SAMD12: variants seen among roughly 807,000 people sequenced by gnomAD.
The protein encoded by SAMD12 is sterile alpha motif domain containing 12.
A neutral mutation model predicts 15.0 loss-of-function variants in SAMD12; 9 were observed. That is an observed-to-expected ratio of 0.60 (90% CI 0.36 to 1.05). The LOEUF (loss-of-function observed/expected upper bound fraction) is 1.05, where lower values mean the gene tolerates loss of function less well. Ranked by LOEUF, SAMD12 falls within the 50% of genes least tolerant of loss-of-function variation. The pLI is 0.01. For missense variants in SAMD12, 230 were observed against 234.2 expected, an observed-to-expected ratio of 0.98 and a Z score of 0.12; for synonymous variants, 86 against 90.1, an observed-to-expected ratio of 0.96 and a Z score of 0.25.
At chr8:118,597,564 T>C (rs767206501) in intron 1 of SAMD12, among the ~76,000 whole-genome samples, 1 of 152,096 alleles carries the variant, frequency 6.6e-6, no homozygotes. Context: ...TCAGAGCAAA[T>C]CCTGAAGTCT....
chr8:118,590,786 C>T (rs187978677), intron 1 of SAMD12, among the ~76,000 whole-genome samples: 2 of 152,298 alleles, frequency 1.3e-5, no homozygotes, highest in Admixed American at 1.3e-4. Flanking sequence ...AAAAGACAAT[C>T]CATAGACACC....
At chr8:118,366,881 TAATAA>T (rs67702658) in intron 4 of SAMD12, among the ~76,000 whole-genome samples, 4,648 of 51,944 alleles carry the variant, frequency 0.089, 267 homozygotes, top group Non-Finnish European at 0.12. Context: ...TAAAATAAAA[TAATAA>T]AATAAAATAA....
chr8:118,598,703 G>A (rs1174192043), intron 1 of SAMD12, among the ~76,000 whole-genome samples: 1 of 152,196 alleles, frequency 6.6e-6, no homozygotes, highest in African/African-American at 2.4e-5. Context: ...CCATTTCACA[G>A]ATGAAGAAAT....
intron 4 of SAMD12, among the ~76,000 whole-genome samples, chr8:118,318,310 GTATA>G (rs55959055): frequency 0.023 from 2,652 of 113,158 alleles, 73 homozygotes; most frequent in African/African-American, 0.057. Context: ...AGATATATGT[GTATA>G]TATATATATA....
chr8:118,218,220 T>C (rs751054269), intron 4 of SAMD12, among the ~76,000 whole-genome samples: 4 of 152,214 alleles, frequency 2.6e-5, no homozygotes, highest in Non-Finnish European at 4.4e-5. Context: ...ATGGTACTGG[T>C]ACTCAGATCA....
chr8:118,381,403 G>A (rs1050327284), intron 3 of SAMD12, among the ~76,000 whole-genome samples: 1 of 152,154 alleles, frequency 6.6e-6, no homozygotes, highest in Non-Finnish European at 1.5e-5. Context: ...GTGGACTAAT[G>A]GGCCCCTAAA....
At chr8:118,143,716 GAGTATATC>G in the SAMD12 span, among the ~76,000 whole-genome samples, 1 of 152,146 alleles carries the variant, frequency 6.6e-6, no homozygotes, top group Admixed American at 6.5e-5. Flanking sequence ...GGCAAAGTGA[GAGTATATC>G]AATCAGAGAA....
chr8:118,415,448 G>GGTGGGTGT (rs1821636153), intron 3 of SAMD12, among the ~76,000 whole-genome samples: 2 of 142,858 alleles, frequency 1.4e-5, no homozygotes, highest in Non-Finnish European at 3.1e-5. Context: ...CTTGTCCTAA[G>GGTGGGTGT]GTGTGTGTGT....
chr8:118,508,420 A>C (rs187713751), intron 2 of SAMD12, among the ~76,000 whole-genome samples: 1 of 152,098 alleles, frequency 6.6e-6, no homozygotes, highest in Non-Finnish European at 1.5e-5. Flanking sequence ...CAAAAGACTA[A>C]AGCAGCCTTT....
intron 3 of SAMD12, among the ~76,000 whole-genome samples, chr8:118,426,399 C>A (rs1224677513): frequency 6.6e-6 from 1 of 152,138 alleles, no homozygotes; most frequent in Non-Finnish European, 1.5e-5. Context: ...CTCTTTCACA[C>A]TGAGGAGTTC....
chr8:118,172,613 T>A, the SAMD12 span, among the ~76,000 whole-genome samples: 1 of 152,200 alleles, frequency 6.6e-6, no homozygotes, highest in Non-Finnish European at 1.5e-5. Flanking sequence ...GTGTAATTGA[T>A]ATATATAAAA....
intron 2 of SAMD12, among the ~76,000 whole-genome samples, chr8:118,500,514 C>T (rs980037838): frequency 6.6e-6 from 1 of 151,910 alleles, no homozygotes; most frequent in African/African-American, 2.4e-5. Flanking sequence ...TAATCAAAAT[C>T]AGTTGTTCCT....
chr8:118,342,649 T>C (rs777077076), intron 4 of SAMD12, among the ~76,000 whole-genome samples: 42 of 152,198 alleles, frequency 2.8e-4, no homozygotes, highest in Non-Finnish European at 7.3e-5. Flanking sequence ...ATCCCACAAA[T>C]TGAATAAGAA....
the SAMD12 span, among the ~76,000 whole-genome samples, chr8:118,183,518 G>T: frequency 6.6e-6 from 1 of 151,110 alleles, no homozygotes; most frequent in African/African-American, 2.5e-5. Context: ...TGTATAGTGG[G>T]TGCTCAATAC....
chr8:118,353,391 AG>A (rs1818058363), intron 4 of SAMD12, among the ~76,000 whole-genome samples: 1 of 151,890 alleles, frequency 6.6e-6, no homozygotes. Context: ...ACAGGGCTTT[AG>A]GGAGGTAACA....
chr8:118,138,219 G>T, the SAMD12 span, among the ~76,000 whole-genome samples: 1 of 151,926 alleles, frequency 6.6e-6, no homozygotes, highest in Non-Finnish European at 1.5e-5. Flanking sequence ...GTGACTCGAA[G>T]CGGGCTGAAT....
At chr8:118,374,277 T>A (rs1206853783), downstream of SAMD12, among the ~76,000 whole-genome samples, 1 of 152,134 alleles carries the variant, frequency 6.6e-6, no homozygotes, top group Non-Finnish European at 1.5e-5. Flanking sequence ...TTTAGCACGA[T>A]GTCTTTGAGG....
chr8:118,443,805 TCAA>T (rs1822825580), intron 2 of SAMD12, among the ~76,000 whole-genome samples: 1 of 152,178 alleles, frequency 6.6e-6, no homozygotes, highest in Non-Finnish European at 1.5e-5. Flanking sequence ...CCCCCTTCCA[TCAA>T]CATTTCCTCC....
In SAMD12 at chr8:118,347,914, T is replaced by C. The variant is rs78445677; in HGVS notation, c.433+31646A>G. Among the ~76,000 whole-genome samples, 945 of 152,250 alleles carry C rather than the reference T, an allele frequency of 6.2e-3. 14 individuals carry two copies. The highest frequency in any genetic ancestry group is 0.02 in the African/African-American group (850 of 41,566). ...AAAGTGGCACAGTCAGGGGTTAACA[T>C]TGCACGCACTGAATCTGACTGCCGG... On this transcript the variant is annotated intron_variant, in intron 4 of 4. Transcript: ENST00000409003.
Sources: gnomAD v4.1 joint callset for allele counts (sites outside exome capture counted in the v4.1 genomes callset) on GRCh38, gnomAD v4.1.1 for gene constraint, MANE v1.5 for transcripts, NCBI Gene and HGNC (gene_info 2026-07-23, HGNC 2026-07-21) for gene names.